TPCN1: variants seen among roughly 807,000 people sequenced by gnomAD.
The protein encoded by TPCN1 is two pore channel protein 1.
In TPCN1, 52 loss-of-function variants were observed where a neutral mutation model predicts 108.8. That is an observed-to-expected ratio of 0.48 (90% CI 0.38 to 0.60). TPCN1 has a LOEUF of 0.60. TPCN1 is among the 20% of genes least tolerant of loss of function. The pLI is 0.00. For synonymous variants in TPCN1, 446 were observed against 433.7 expected (o/e 1.03, Z -0.35); for missense variants, 806 against 1,072.8 (o/e 0.75, Z 3.47).
intron 2 of TPCN1, among the ~76,000 whole-genome samples, chr12:113,255,143 G>T (rs981319511): frequency 6.6e-6 from 1 of 152,158 alleles, no homozygotes; most frequent in South Asian, 2.1e-4. Flanking sequence ...GTATAGAAAC[G>T]CCCATGACAT....
chr12:113,295,733 C>T (rs1176942593), intron 27 of TPCN1, among the ~76,000 whole-genome samples: 1 of 152,174 alleles, frequency 6.6e-6, no homozygotes, highest in Non-Finnish European at 1.5e-5. Context: ...CTGTTATGCG[C>T]AAACCTCCAG....
chr12:113,242,429 C>T (rs1954182480), intron 2 of TPCN1, among the ~76,000 whole-genome samples: 1 of 152,244 alleles, frequency 6.6e-6, no homozygotes, highest in Non-Finnish European at 1.5e-5. Flanking sequence ...TTTCCTCCCT[C>T]TGTGACCTTG....
chr12:113,255,669 G>A (rs1379784002), intron 2 of TPCN1, among the ~76,000 whole-genome samples: 1 of 151,992 alleles, frequency 6.6e-6, no homozygotes, highest in African/African-American at 2.4e-5. Context: ...GGGACTACAG[G>A]CGCATGCCAC....
chr12:113,293,435 A>G, intron 27 of TPCN1, 86 bp downstream of exon 27: 2 of 1,264,114 alleles, frequency 1.6e-6, no homozygotes, highest in Non-Finnish European at 2.3e-6. Flanking sequence ...CCCTCTGAGT[A>G]GAGGGAGAAG....
intron 7 of TPCN1, among the ~76,000 whole-genome samples, chr12:113,271,472 C>T (rs1258334334): frequency 6.6e-6 from 1 of 152,158 alleles, no homozygotes; most frequent in East Asian, 1.9e-4. Flanking sequence ...ATTTACATTT[C>T]CCCAAGTGAC....
rs201007653 is a variant in TPCN1 at position 113,277,297 on chromosome 12, C to G, written c.1117C>G (p.Arg373Gly). The G allele has an allele frequency of 1.2e-6, 2 of 1,614,150 alleles. No individual in the cohort carries two copies. The highest frequency in any genetic ancestry group is 2.2e-5 in the South Asian group (2 of 91,084). Residue 373 changes from arginine to glycine, a missense_variant, in exon 12 of 28, where the codon CGG becomes GGG. Coordinates refer to ENST00000335509, the MANE Select transcript of TPCN1 (RefSeq NM_017901.6). ...AGGCCTCATGCGCTTCTACAAGCCC[C>G]GGATGAGTGCCAGGGAGCGCTATCT... ...FEGLMRFYKP[R>G]MSARERYLTF...
chr12:113,254,618 C>A (rs1025278146), intron 2 of TPCN1, among the ~76,000 whole-genome samples: 3 of 152,142 alleles, frequency 2.0e-5, no homozygotes, highest in Non-Finnish European at 4.4e-5. Context: ...AGAAGTATTT[C>A]CGATTTTTAA....
In TPCN1 at chr12:113,260,406, A is replaced by T; in HGVS notation, c.151A>T (p.Ser51Cys). The change falls in exon 3 of 28, where the codon AGT (serine) becomes TGT (cysteine). Residue 51 changes from serine to cysteine, a missense_variant. Transcript: ENST00000335509. The part of the protein sequence containing the change: ...SYAIHDSQAP[S>C]LSSGGESSPS... Reference sequence around the variant, plus strand: ...TGCCATCCACGACTCCCAGGCCCCCAGTCTCAGCTCTGGGGGTGAGAGTTC... The same window carrying T: ...TGCCATCCACGACTCCCAGGCCCCCTGTCTCAGCTCTGGGGGTGAGAGTTC... 6.6e-7 allele frequency: 1 copy of T among 1,525,964 alleles called. No individual in the cohort carries two copies. The highest frequency in any genetic ancestry group is 8.8e-7 in the Non-Finnish European group (1 of 1,142,718). 94.5% of individuals were successfully genotyped at this position (1,525,964 alleles called of 1,614,324 possible).
intron 1 of TPCN1, among the ~76,000 whole-genome samples, chr12:113,223,435 C>CTGTTTTTTTTTTTTTT (rs1953339941): frequency 8.3e-6 from 1 of 120,294 alleles, no homozygotes. Context: ...TCTGCTGAGT[C>CTGTTTTTTTTTTTTTT]TTTTTTTTTT....
intron 19 of TPCN1, chr12:113,287,382 A>C: frequency 2.5e-6 from 1 of 407,988 alleles, no homozygotes; most frequent in Non-Finnish European, 4.4e-6. Context: ...AGGAGCCCAT[A>C]TGCTCAAGTC....
chr12:113,284,795 T>G lies in TPCN1; in HGVS notation c.1453+24T>G. The G allele has an allele frequency of 6.2e-7, 1 of 1,613,608 alleles. No individual in the cohort carries two copies. The highest frequency in any genetic ancestry group is 8.5e-7 in the Non-Finnish European group (1 of 1,179,478). On this transcript the variant is annotated intron_variant, in intron 17 of 27. Transcript: ENST00000335509. This position sits in a 1 kb window ranked among gnomAD's most constrained non-coding sequence, Gnocchi z 4.1. The stretch of plus-strand genomic sequence containing the variant: ...TAGTACGTTTCCGACATGGCTTTGC[T>G]GGACTGCTTGTTTTAAAATTGTCTG...
chr12:113,251,426 A>C (rs1200320363), intron 2 of TPCN1, among the ~76,000 whole-genome samples: 1 of 152,238 alleles, frequency 6.6e-6, no homozygotes, highest in Non-Finnish European at 1.5e-5. Context: ...AGTTATTACA[A>C]AGCCCTTTCA....
chr12:113,241,752 G>A (rs544209340), intron 2 of TPCN1, among the ~76,000 whole-genome samples: 13 of 145,282 alleles, frequency 8.9e-5, no homozygotes, highest in South Asian at 2.3e-4. Context: ...TGGCGTTTGC[G>A]TGCCTCTGCG....
chr12:113,250,321 G>T (rs1954583550), intron 2 of TPCN1, among the ~76,000 whole-genome samples: 1 of 152,244 alleles, frequency 6.6e-6, no homozygotes, highest in East Asian at 1.9e-4. Context: ...GCACCCACCT[G>T]CCTGCTCCCC....
Position 113,268,263 on chromosome 12 carries a change from GC to G in TPCN1, c.528+310del, listed in dbSNP as rs1428842430. On this transcript the variant is annotated intron_variant, in intron 5 of 27. Coordinates refer to ENST00000335509, the MANE Select transcript of TPCN1 (RefSeq NM_017901.6). The surrounding 1 kb of genome is among the most constrained non-coding windows in gnomAD (Gnocchi z 7.3). ...AGACATGGGGCTCACACCCAGCTCT[GC>G]CCACTGCGCCCGGCTCACCTGTCCC... is the stretch of plus-strand genomic sequence containing the variant. 1.1e-4 allele frequency among the ~76,000 whole-genome samples: 16 copies of G among 152,344 alleles called. No individual in the cohort carries two copies. Among genetic ancestry groups the G allele is most frequent in the Admixed American group, 1.0e-3 (16 of 15,306 alleles).
chr12:113,288,934 G>A lies in TPCN1; in HGVS notation c.1796+87G>A, dbSNP rs896970948. 3.8e-6 allele frequency: 5 copies of A among 1,319,530 alleles called. No individual in the cohort carries two copies. In the African/African-American group the frequency reaches 7.2e-5, roughly 19 times the overall value. The allele number at this position is 1,319,530 out of a possible 1,614,324, so 81.7% of individuals were successfully genotyped here. On this transcript the variant is annotated intron_variant, in intron 21 of 27. Transcript: ENST00000335509. The surrounding 1 kb of genome is among the most constrained non-coding windows in gnomAD (Gnocchi z 4.8). ...CCAGGATTGGTGTCCTTGTGGCCTTGGGGTCCTCGGGGATGTTCCTGTCTA... is the reference window on the plus strand; with the variant it reads ...CCAGGATTGGTGTCCTTGTGGCCTTAGGGTCCTCGGGGATGTTCCTGTCTA...
At chr12:113,244,517 T>A (rs1954272950) in intron 2 of TPCN1, 5 of 985,274 alleles carry the variant, frequency 5.1e-6, no homozygotes, top group Non-Finnish European at 6.0e-6. Context: ...CGGCGTAGCA[T>A]CTCATGCTAG....
chr12:113,290,563 G>A (rs559250494), intron 22 of TPCN1, among the ~76,000 whole-genome samples: 1 of 152,346 alleles, frequency 6.6e-6, no homozygotes, highest in African/African-American at 2.4e-5. Flanking sequence ...CACCACTGCT[G>A]CTGCAGCTGC....
intron 18 of TPCN1, among the ~76,000 whole-genome samples, chr12:113,286,316 C>A (rs1418329543): frequency 2.1e-5 from 3 of 142,760 alleles, no homozygotes; most frequent in Non-Finnish European, 4.6e-5. Flanking sequence ...AGTAATGAGA[C>A]CCCATGTGGC....
Sources: gnomAD v4.1 joint callset for allele counts (sites outside exome capture counted in the v4.1 genomes callset) on GRCh38, gnomAD v4.1.1 for gene constraint, Gnocchi (gnomAD v3.1) non-coding constraint, MANE v1.5 for transcripts, NCBI Gene and HGNC (gene_info 2026-07-23, HGNC 2026-07-21) for gene names.